PTPRU: variants seen among roughly 807,000 people sequenced by gnomAD.
PTPRU encodes the protein protein tyrosine phosphatase receptor type U, also known as receptor-type tyrosine-protein phosphatase U.
PTPRU carries 69 observed loss-of-function variants against 166.3 expected under a neutral mutation model. The observed-to-expected ratio is 0.41, with a 90% CI of 0.34 to 0.51. PTPRU has a LOEUF of 0.51. Among genes scored for constraint, PTPRU ranks in the 20% least tolerant of loss-of-function variants. The probability of loss-of-function intolerance (pLI) is 0.09; values close to 1 mark genes in which losing one functional copy is unlikely to be tolerated. For synonymous variants in PTPRU, 793 were observed against 814.0 expected (o/e 0.97, Z 0.44); for missense variants, 1,657 against 2,013.7 (o/e 0.82, Z 3.39).
chr1:29,286,593 A>G (rs914733306), intron 14 of PTPRU, among the ~76,000 whole-genome samples: 1 of 152,048 alleles, frequency 6.6e-6, no homozygotes, highest in African/African-American at 2.4e-5. Flanking sequence ...GGGCCTGAGA[A>G]GTGACTTTAA....
At chr1:29,268,353 A>G (rs1395963030) in intron 7 of PTPRU, among the ~76,000 whole-genome samples, 2 of 152,190 alleles carry the variant, frequency 1.3e-5, no homozygotes, top group Non-Finnish European at 2.9e-5. Flanking sequence ...CCTAGGAGAC[A>G]TTTGACAGTG....
rs1291010835 is a variant in PTPRU, at chr1:29,311,057, G to GTAAAAGGGCCC, written c.2857+278_2857+279insAAAAGGGCCCT. 1.3e-5 allele frequency among the ~76,000 whole-genome samples: 2 copies of GTAAAAGGGCCC among 152,164 alleles called. No homozygotes were observed. The highest frequency in any genetic ancestry group is 2.4e-5 in the African/African-American group (1 of 41,436). On this transcript the variant is annotated intron_variant, in intron 19 of 29. Coordinates refer to ENST00000373779, the MANE Select transcript of PTPRU (RefSeq NM_133178.4). The surrounding 1 kb of genome is among the most constrained non-coding windows in gnomAD (Gnocchi z 4.1). The stretch of plus-strand genomic sequence containing the variant: ...GGTCTACCTGCCTGTCTCCAAAGTG[G>GTAAAAGGGCCC]TGTCTGTAAAAGGGCCAGCTGGGCT...
rs1048605049 is a variant in PTPRU, at chr1:29,315,875, C to T, written c.3364-127C>T. ...TTGTTTCAGGTAGGCTTGGTCCAGCCTGTAGTAACATGGTTGGCCTCCACC... is the reference window on the plus strand; with the variant it reads ...TTGTTTCAGGTAGGCTTGGTCCAGCTTGTAGTAACATGGTTGGCCTCCACC... On this transcript the variant is annotated intron_variant, in intron 23 of 29. Coordinates refer to ENST00000373779, the MANE Select transcript of PTPRU (RefSeq NM_133178.4). This position sits in a 1 kb window ranked among gnomAD's most constrained non-coding sequence, Gnocchi z 4.5. The T allele has an allele frequency of 7.5e-6, 9 of 1,206,744 alleles. No homozygotes were observed. The highest frequency in any genetic ancestry group is 2.4e-5 in the Admixed American group (1 of 41,860). The allele number at this position is 1,206,744 out of a possible 1,614,324, so 74.8% of individuals were successfully genotyped here. A position where few individuals can be genotyped will look rare whatever the true frequency, so the allele number is the denominator to read the frequency against.
rs373947377 is a variant in PTPRU at position 29,279,487 on chromosome 1, C to T, written c.1595C>T (p.Pro532Leu). Reference sequence around the variant, plus strand: ...TACCAGAGCATCGAGTCATCAGACCCGGCAGTGAACGTGCCAGGCCCACGA... The same window carrying T: ...TACCAGAGCATCGAGTCATCAGACCTGGCAGTGAACGTGCCAGGCCCACGA... ...ISYQSIESSD[P>L]AVNVPGPRRT... is the part of the protein sequence containing the mutation. Residue 532 changes from proline to leucine, a missense_variant, in exon 10 of 30, where the codon CCG becomes CTG. Physicochemically the swap from Pro to Leu is moderately conservative, Grantham distance 98. Transcript: ENST00000373779. This position sits in a 1 kb window ranked among gnomAD's most constrained non-coding sequence, Gnocchi z 5.2. The T allele has an allele frequency of 6.8e-5, 109 of 1,614,084 alleles. No individual in the cohort carries two copies. The highest frequency in any genetic ancestry group is 8.6e-5 in the Non-Finnish European group (102 of 1,180,030).
rs763868325 is a variant in PTPRU at position 29,303,914 on chromosome 1, C to T, written c.2536C>T (p.Arg846Cys). The T allele has an allele frequency of 1.1e-5, 17 of 1,613,700 alleles. No homozygotes were observed. Among genetic ancestry groups the T allele is most frequent in the East Asian group, 4.5e-5 (2 of 44,870 alleles). Residue 846 changes from arginine (R) to cysteine (C), a missense_variant, in exon 16 of 30, where the codon CGT becomes TGT. By Grantham distance (180) the Arg-to-Cys change is radical (BLOSUM62 -3). Coordinates refer to ENST00000373779, the MANE Select transcript of PTPRU (RefSeq NM_133178.4). ...ASSLLGGSPRRPCGRKGSPYH... is the reference protein window; with the variant it reads ...ASSLLGGSPRCPCGRKGSPYH... ...CAGCCTCCTGGGGGGCTCCCCGAGG[C>T]GTCCCTGTGGCCGGAAGGGCTCCCC...
At chr1:29,299,333 G>A (rs1687035427) in intron 15 of PTPRU, among the ~76,000 whole-genome samples, 1 of 152,182 alleles carries the variant, frequency 6.6e-6, no homozygotes, top group Admixed American at 6.5e-5. Flanking sequence ...TTTGAAGGTG[G>A]GCCTATGGGC....
chr1:29,260,101 C>A lies in PTPRU; in HGVS notation c.850+57C>A. 4.1e-6 allele frequency: 5 copies of A among 1,224,226 alleles called. No individual in the cohort carries two copies. The highest frequency in any genetic ancestry group is 2.3e-5 in the South Asian group (1 of 42,844). 75.8% of individuals were successfully genotyped at this position (1,224,226 alleles called of 1,614,324 possible). On this transcript the variant is annotated intron_variant, in intron 6 of 29. Transcript: ENST00000373779. This position sits in a 1 kb window ranked among gnomAD's most constrained non-coding sequence, Gnocchi z 8.3. ...CCTCACCCTCGAGGGGCGGGGCCGG[C>A]GACGGGGGCGGGCTCTGCCCGGGGG...
rs954811404 is a variant in PTPRU, at chr1:29,325,652, G to A, written c.4302G>A (p.Glu1434=). ...CCCTGGAGTACTTGGAGGGGCTGGA[G>A]TCAAGATAGCGGGGCCCTGGCCTGG... ...DVALEYLEGL[E]SR The change falls in exon 30 of 30, where the codon GAG becomes GAA. Residue 1434 remains glutamate, a synonymous_variant. Coordinates refer to ENST00000373779, the MANE Select transcript of PTPRU (RefSeq NM_133178.4). 3.7e-6 allele frequency: 6 copies of A among 1,608,954 alleles called. No individual in the cohort carries two copies. The highest frequency in any genetic ancestry group is 5.1e-6 in the Non-Finnish European group (6 of 1,177,072).
At chr1:29,249,188 T>A (rs988442785) in intron 1 of PTPRU, among the ~76,000 whole-genome samples, 1 of 151,910 alleles carries the variant, frequency 6.6e-6, no homozygotes, top group Non-Finnish European at 1.5e-5. Flanking sequence ...CTGCACACAC[T>A]CACACGCACA....
At chr1:29,244,087 A>G (rs1684178419) in intron 1 of PTPRU, among the ~76,000 whole-genome samples, 1 of 152,188 alleles carries the variant, frequency 6.6e-6, no homozygotes, top group Non-Finnish European at 1.5e-5. Context: ...GTTTGAGGGC[A>G]GAAGCTGGGG....
At chr1:29,283,916 T>G (rs1557447831) in intron 12 of PTPRU, 24 bp from the exon 13 acceptor site, 20 of 1,613,896 alleles carry the variant, frequency 1.2e-5, no homozygotes, top group Non-Finnish European at 1.7e-5. Context: ...TCAGCAACGC[T>G]GAGACCCCCA....
At position 29,320,860 on chromosome 1, in the gene PTPRU, T is replaced by A; in HGVS notation, c.3828+35T>A. 6.6e-7 allele frequency: 1 copy of A among 1,515,744 alleles called. No homozygotes were observed. Among genetic ancestry groups the A allele is most frequent in the South Asian group, 1.3e-5 (1 of 76,530 alleles). 93.9% of individuals were successfully genotyped at this position (1,515,744 alleles called of 1,614,324 possible). A position where few individuals can be genotyped will look rare whatever the true frequency, so the allele number is the denominator to read the frequency against. ...CCACTGGCCAGGCCAATGGGCCGCC[T>A]GCTCCCAGGTCCTCTGTGTATTCAG... On this transcript the variant is annotated intron_variant, in intron 26 of 29. Coordinates refer to ENST00000373779, the MANE Select transcript of PTPRU (RefSeq NM_133178.4). This position sits in a 1 kb window ranked among gnomAD's most constrained non-coding sequence, Gnocchi z 5.2.
In PTPRU at chr1:29,325,257, C is replaced by T; in HGVS notation, c.4179C>T (p.His1393=). Residue 1393 remains histidine, a synonymous_variant, in exon 29 of 30, where the codon CAC becomes CAT. Coordinates refer to ENST00000373779, the MANE Select transcript of PTPRU (RefSeq NM_133178.4). The part of the protein sequence containing the change: ...CATVLEMIRC[H]NLVDVFFAAK... ...CGGTCCTGGAGATGATCCGCTGCCA[C>T]AACTTGGTGGACGTTTTCTTTGCTG... 6.2e-7 allele frequency: 1 copy of T among 1,614,220 alleles called. No homozygotes were observed. The highest frequency in any genetic ancestry group is 1.1e-5 in the South Asian group (1 of 91,088).
chr1:29,272,634 C>T (rs576899317), intron 7 of PTPRU, among the ~76,000 whole-genome samples: 10 of 151,954 alleles, frequency 6.6e-5, no homozygotes, highest in Non-Finnish European at 1.2e-4. Context: ...GGGCTGGGTG[C>T]GGTGGCTCAA....
chr1:29,236,671 G>A lies in PTPRU; in HGVS notation c.27G>A (p.Leu9=). The A allele has an allele frequency of 6.9e-7, 1 of 1,458,580 alleles. No individual in the cohort carries two copies. Among genetic ancestry groups the A allele is most frequent in the Non-Finnish European group, 9.0e-7 (1 of 1,106,952 alleles). 90.4% of individuals were successfully genotyped at this position (1,458,580 alleles called of 1,614,324 possible). ...TGGCCCGTGCCCAGGCGCTCGTGCT[G>A]GCACTCACCTTCCAGCTCTGCGCGC... MARAQALV[L]ALTFQLCAPE... The change falls in exon 1 of 30, where the codon CTG becomes CTA. Residue 9 remains leucine, a synonymous_variant. Transcript: ENST00000373779. The surrounding 1 kb of genome is among the most constrained non-coding windows in gnomAD (Gnocchi z 4.6).
chr1:29,247,037 C>T (rs1162419472), intron 1 of PTPRU, among the ~76,000 whole-genome samples: 1 of 152,206 alleles, frequency 6.6e-6, no homozygotes, highest in Admixed American at 6.5e-5. Flanking sequence ...GGTTGCCGCA[C>T]CCTGCAGTTT....
chr1:29,312,670 C>T lies in PTPRU; in HGVS notation c.3191C>T (p.Thr1064Ile). ...TTCATCCGGCGCGTGAAGGCCTCCA[C>T]CCCACCTGATGCCGGGCCCATTGTC... ...LAFIRRVKAS[T>I]PPDAGPIVIH... Residue 1064 changes from threonine to isoleucine, a missense_variant, in exon 22 of 30, where the codon ACC becomes ATC. Around this residue, in one of 3 missense-constraint regions of PTPRU, gnomAD observed 1,190 missense variants for 1,477.4 expected, o/e 0.81. Transcript: ENST00000373779. The T allele has an allele frequency of 6.2e-7, 1 of 1,610,296 alleles. No homozygotes were observed. Among genetic ancestry groups the T allele is most frequent in the South Asian group, 1.1e-5 (1 of 90,868 alleles).
chr1:29,316,913 T>A (rs1351126766), intron 24 of PTPRU, among the ~76,000 whole-genome samples: 1 of 151,938 alleles, frequency 6.6e-6, no homozygotes, highest in African/African-American at 2.4e-5. Flanking sequence ...ATGGCTGAGA[T>A]GGGAAAAGGC....
At chr1:29,310,806 G>A (rs6671919) in intron 19 of PTPRU, 26 bp downstream of exon 19, 129,020 of 1,609,430 alleles carry the variant, frequency 0.08, 6,306 homozygotes, top group Non-Finnish European at 0.095. Flanking sequence ...GCCCACATGC[G>A]CCTTCCCATG....
Sources: allele counts gnomAD v4.1 joint callset (sites outside exome capture counted in the v4.1 genomes callset), GRCh38; gene constraint gnomAD v4.1.1; regional missense constraint gnomAD v4.1.1; non-coding constraint Gnocchi (gnomAD v3.1); transcripts MANE v1.5; gene names NCBI Gene and HGNC (gene_info 2026-07-23, HGNC 2026-07-21).